The following TENM3 variants were observed in gnomAD, a reference collection of about 807,000 sequenced individuals.
TENM3 encodes teneurin-3.
Under a neutral mutation model 255.1 loss-of-function variants are expected in TENM3, and 63 were observed. That is an observed-to-expected ratio of 0.25 (90% confidence interval 0.20 to 0.30). The LOEUF is 0.30. Among genes scored for constraint, TENM3 ranks in the 10% least tolerant of loss-of-function variants. The pLI, the probability that TENM3 is intolerant of heterozygous loss-of-function variation, is 1.00. For missense variants in TENM3, 2,929 were observed against 3,461.1 expected (o/e 0.85, Z 3.86); for synonymous variants, 1,306 against 1,322.3 (o/e 0.99, Z 0.27).
the TENM3 span, among the ~76,000 whole-genome samples, chr4:181,503,733 A>G: frequency 0.27 from 40,503 of 152,040 alleles, 5,581 homozygotes; most frequent in Admixed American, 0.38. Context: ...GTTTCCGCCA[A>G]ATTATCTGTC....
chr4:182,627,124 ATACC>A (rs1750892415), intron 4 of TENM3, among the ~76,000 whole-genome samples: 2 of 152,186 alleles, frequency 1.3e-5, no homozygotes, highest in South Asian at 4.1e-4. Flanking sequence ...TAACTTTTAA[ATACC>A]TATTCAGCCT....
chr4:181,845,532 C>A, the TENM3 span, among the ~76,000 whole-genome samples: 8 of 152,150 alleles, frequency 5.3e-5, no homozygotes, highest in Non-Finnish European at 1.0e-4. Flanking sequence ...CACATACATA[C>A]AACCTTAATA....
the TENM3 span, among the ~76,000 whole-genome samples, chr4:181,589,053 T>C: frequency 6.6e-6 from 1 of 151,606 alleles, no homozygotes; most frequent in African/African-American, 2.4e-5. Flanking sequence ...AGTGTAAGAG[T>C]GATTAAACAC....
At chr4:181,946,403 A>G in the TENM3 span, among the ~76,000 whole-genome samples, 1 of 152,300 alleles carries the variant, frequency 6.6e-6, no homozygotes, top group African/African-American at 2.4e-5. Context: ...GTTTATCAGA[A>G]TCCACTCATC....
chr4:181,882,576 C>T, the TENM3 span, among the ~76,000 whole-genome samples: 1 of 152,176 alleles, frequency 6.6e-6, no homozygotes, highest in Non-Finnish European at 1.5e-5. Flanking sequence ...GGGTTTTTAA[C>T]CCTGACTTTG....
chr4:181,890,770 G>T, the TENM3 span, among the ~76,000 whole-genome samples: 9 of 152,094 alleles, frequency 5.9e-5, no homozygotes, highest in Non-Finnish European at 1.0e-4. Context: ...TGTCTGTAGG[G>T]TTGGTGAAGT....
the TENM3 span, among the ~76,000 whole-genome samples, chr4:181,886,235 T>C: frequency 6.6e-6 from 1 of 152,018 alleles, no homozygotes; most frequent in Non-Finnish European, 1.5e-5. Context: ...GCATTTTCAA[T>C]AGAGATGGGG....
intron 4 of TENM3, among the ~76,000 whole-genome samples, chr4:182,610,938 T>C (rs978228781): frequency 7.0e-6 from 1 of 143,032 alleles, no homozygotes; most frequent in African/African-American, 2.6e-5. Context: ...AGAGACAGGG[T>C]GTCTCATTAT....
At chr4:181,627,590 GT>G in the TENM3 span, among the ~76,000 whole-genome samples, 1 of 152,086 alleles carries the variant, frequency 6.6e-6, no homozygotes, top group Non-Finnish European at 1.5e-5. Context: ...GCGGTGTTTG[GT>G]TTTTTGTTCT....
At chr4:181,787,419 A>T in the TENM3 span, among the ~76,000 whole-genome samples, 1 of 151,342 alleles carries the variant, frequency 6.6e-6, no homozygotes, top group South Asian at 2.1e-4. Flanking sequence ...GCTTACTGCA[A>T]CCTCCACCTC....
chr4:181,962,238 C>CA, the TENM3 span, among the ~76,000 whole-genome samples: 31 of 152,312 alleles, frequency 2.0e-4, no homozygotes, highest in South Asian at 6.4e-3. Flanking sequence ...TTAATGCATC[C>CA]AAATCCTTTT....
chr4:182,418,458 G>T (rs934128987), intron 3 of TENM3, among the ~76,000 whole-genome samples: 13 of 152,282 alleles, frequency 8.5e-5, no homozygotes, highest in African/African-American at 3.1e-4. Context: ...CATGATTGTT[G>T]GGGGGTGGGG....
the TENM3 span, among the ~76,000 whole-genome samples, chr4:181,782,877 T>C: frequency 2.0e-5 from 3 of 152,238 alleles, no homozygotes; most frequent in Non-Finnish European, 4.4e-5. Flanking sequence ...TTTCTTTATG[T>C]ACCCAGTAGT....
At chr4:182,596,853 G>A (rs1747293605) in intron 3 of TENM3, among the ~76,000 whole-genome samples, 1 of 152,134 alleles carries the variant, frequency 6.6e-6, no homozygotes, top group Non-Finnish European at 1.5e-5. Context: ...ACTATGTGAG[G>A]TCTGATTGTC....
chr4:182,128,559 C>T, the TENM3 span, among the ~76,000 whole-genome samples: 11 of 152,180 alleles, frequency 7.2e-5, no homozygotes, highest in Admixed American at 2.6e-4. Context: ...GTTCCTTTTT[C>T]CCTATTAAGA....
At position 182,362,703 on chromosome 4, in the gene TENM3, C is replaced by T. The variant is rs868413671; in HGVS notation, c.511+15774C>T. Among the ~76,000 whole-genome samples, 19 of 151,448 alleles carry T rather than the reference C, an allele frequency of 1.3e-4. No individual in the cohort carries two copies. In the Middle Eastern group the frequency reaches 0.01, roughly 81 times the overall value. On this transcript the variant is annotated intron_variant, in intron 3 of 27. Transcript: ENST00000511685. Reference sequence around the variant, plus strand: ...AGTGAGGCAATGCCTCGCCCTGCTTCGGCTCGCACACGGTGCACGCACCCA... The same window carrying T: ...AGTGAGGCAATGCCTCGCCCTGCTTTGGCTCGCACACGGTGCACGCACCCA...
chr4:181,691,074 A>G, the TENM3 span, among the ~76,000 whole-genome samples: 1 of 152,192 alleles, frequency 6.6e-6, no homozygotes. Flanking sequence ...GTAAGAAAAC[A>G]TTAAAAATCA....
chr4:181,906,029 G>A, the TENM3 span: 2 of 444,422 alleles, frequency 4.5e-6, no homozygotes, highest in East Asian at 5.9e-5. Flanking sequence ...ACAGTGACAA[G>A]CAAGTTCTGT....
At chr4:182,546,448 G>GT (rs987929285) in intron 3 of TENM3, among the ~76,000 whole-genome samples, 3 of 151,112 alleles carry the variant, frequency 2.0e-5, no homozygotes, top group South Asian at 4.2e-4. Context: ...TTTGTTGTTT[G>GT]TTTTTTTTAG....
Sources: gnomAD v4.1 joint callset for allele counts (sites outside exome capture counted in the v4.1 genomes callset) on GRCh38, gnomAD v4.1.1 for gene constraint, MANE v1.5 for transcripts, NCBI Gene and HGNC (gene_info 2026-07-23, HGNC 2026-07-21) for gene names.